SLC27A2: variants seen among roughly 807,000 people sequenced by gnomAD.
SLC27A2 encodes the protein solute carrier family 27 member 2.
SLC27A2 carries 54 observed loss-of-function variants against 60.0 expected under a neutral mutation model. The ratio of observed to expected loss-of-function variants is 0.90; its 90% CI spans 0.72 to 1.13. The LOEUF is 1.13. Ranked by LOEUF, SLC27A2 falls within the 50% of genes most tolerant of loss-of-function variation. SLC27A2 has a pLI of 0.00. For missense variants in SLC27A2, 739 were observed against 777.6 expected (o/e 0.95, Z 0.59); for synonymous variants, 297 against 297.6 (o/e 1.00, Z 0.02).
chr15:50,233,774 T>C, intron 8 of SLC27A2, 94 bp from the exon 9 acceptor site: 1 of 1,118,216 alleles, frequency 8.9e-7, no homozygotes, highest in Non-Finnish European at 1.2e-6. Flanking sequence ...ATGAAACCCA[T>C]GCTATAAATG....
intron 4 of SLC27A2, among the ~76,000 whole-genome samples, chr15:50,218,301 A>C (rs2045217594): frequency 6.6e-6 from 1 of 152,104 alleles, no homozygotes; most frequent in Non-Finnish European, 1.5e-5. Context: ...GATGGTCATA[A>C]AGGGAGAGTA....
intron 4 of SLC27A2, among the ~76,000 whole-genome samples, chr15:50,219,501 C>T (rs116283074): frequency 3.0e-4 from 45 of 150,566 alleles, no homozygotes; most frequent in African/African-American, 5.4e-4. Context: ...GCACAGTGGA[C>T]GCCCTCTCAA....
intron 1 of SLC27A2, among the ~76,000 whole-genome samples, chr15:50,186,901 A>G (rs996724362): frequency 6.6e-6 from 1 of 152,224 alleles, no homozygotes; most frequent in African/African-American, 2.4e-5. Flanking sequence ...AACATGATAC[A>G]TAAATGTCAG....
intron 1 of SLC27A2, among the ~76,000 whole-genome samples, chr15:50,189,318 C>T (rs923942470): frequency 2.0e-5 from 3 of 152,182 alleles, no homozygotes; most frequent in Non-Finnish European, 4.4e-5. Context: ...CATGGTAGGA[C>T]AGCGGTGCTC....
Position 50,182,365 on chromosome 15 carries a change from G to T in SLC27A2, c.-63G>T. 1 of 1,413,064 alleles carries T rather than the reference G, an allele frequency of 7.1e-7. No individual in the cohort carries two copies. Among genetic ancestry groups the T allele is most frequent in the Non-Finnish European group, 9.2e-7 (1 of 1,085,700 alleles). The allele number at this position is 1,413,064 out of a possible 1,614,324, so 87.5% of individuals were successfully genotyped here. A position where few individuals can be genotyped will look rare whatever the true frequency, so the allele number is the denominator to read the frequency against. On this transcript the variant is annotated 5_prime_UTR_variant, in exon 1 of 10. Coordinates refer to ENST00000267842, the MANE Select transcript of SLC27A2 (RefSeq NM_003645.4). ...CAGTCCGCCCGGAGCCCGCCCAGTC[G>T]CCGCGCTGCACGCCCGGGGTGAACC...
chr15:50,209,224 C>G (rs1305341256), intron 4 of SLC27A2, among the ~76,000 whole-genome samples: 1 of 152,162 alleles, frequency 6.6e-6, no homozygotes, highest in Admixed American at 6.5e-5. Context: ...ATTAGATAAC[C>G]TCTGTGGTCC....
In SLC27A2 at chr15:50,183,994, C is replaced by CTTTTTTTTTTTTTTTTTTTTT. The variant is rs577766814; in HGVS notation, c.478+1107_478+1108insTTTTTTTTTTTTTTTTTTTTT. On this transcript the variant is annotated intron_variant, in intron 1 of 9. Coordinates refer to ENST00000267842, the MANE Select transcript of SLC27A2 (RefSeq NM_003645.4). Reference sequence around the variant, plus strand: ...TTCGAAGCCATGCTCTTTCCTACATCTTTTTTTTTTTTTTTTTTGACAGTC... The same window carrying CTTTTTTTTTTTTTTTTTTTTT: ...TTCGAAGCCATGCTCTTTCCTACATCTTTTTTTTTTTTTTTTTTTTTTTTTTTTTTTTTTTTTTTGACAGTC... Among the ~76,000 whole-genome samples the CTTTTTTTTTTTTTTTTTTTTT allele has an allele frequency of 2.4e-4, 22 of 91,134 alleles. 4 individuals are homozygous for CTTTTTTTTTTTTTTTTTTTTT. Among genetic ancestry groups the CTTTTTTTTTTTTTTTTTTTTT allele is most frequent in the South Asian group, 4.2e-4 (1 of 2,368 alleles). 59.8% of individuals were successfully genotyped at this position (91,134 alleles called of 152,430 possible). A position where few individuals can be genotyped will look rare whatever the true frequency, so the allele number is the denominator to read the frequency against.
intron 1 of SLC27A2, among the ~76,000 whole-genome samples, chr15:50,188,099 T>G (rs1760658090): frequency 6.6e-6 from 1 of 152,058 alleles, no homozygotes; most frequent in South Asian, 2.1e-4. Flanking sequence ...CTAAACCGCA[T>G]GCACAAATGA....
At chr15:50,231,309 G>A (rs966922843) in intron 8 of SLC27A2, among the ~76,000 whole-genome samples, 3 of 151,748 alleles carry the variant, frequency 2.0e-5, no homozygotes, top group Non-Finnish European at 4.4e-5. Context: ...GACCAGGCCC[G>A]GCTAATTTTG....
In SLC27A2 at chr15:50,236,090, ACT is replaced by A. The variant is rs565143342; in HGVS notation, c.1860_1861del (p.Ter621AsnfsTer20). On this transcript the variant is annotated frameshift_variant, in exon 10 of 10. Transcript: ENST00000267842. LOFTEE classifies it high-confidence loss of function. The stretch of plus-strand genomic sequence containing the variant: ...ATGCCATAAGTGCTAAAACCCTGAA[ACT>A]CTGAATATTCCCAGGAGGATAACTC... The part of the protein sequence containing the change: ...YNAISAKTLK[L>X] The A allele has an allele frequency of 7.6e-6, 12 of 1,587,194 alleles. No individual in the cohort carries two copies. The South Asian group carries it at 1.0e-4, about 14-fold the overall frequency.
At chr15:50,234,587 CAA>C (rs767076726) in intron 9 of SLC27A2, among the ~76,000 whole-genome samples, 17 of 61,508 alleles carry the variant, frequency 2.8e-4, no homozygotes, top group Non-Finnish European at 3.2e-4. Flanking sequence ...ACTCCATCTC[CAA>C]AAAAAAAAAA....
intron 8 of SLC27A2, among the ~76,000 whole-genome samples, chr15:50,233,502 C>G (rs746081491): frequency 3.7e-4 from 57 of 152,260 alleles, no homozygotes; most frequent in Non-Finnish European, 1.2e-4. Flanking sequence ...AATTCTGTAC[C>G]CTGCCTAGTA....
intron 2 of SLC27A2, among the ~76,000 whole-genome samples, chr15:50,201,802 G>A (rs555092017): frequency 1.3e-5 from 2 of 152,198 alleles, no homozygotes; most frequent in East Asian, 1.9e-4. Context: ...TGATCCGCCC[G>A]CCTCAGCCTC....
intron 6 of SLC27A2, among the ~76,000 whole-genome samples, chr15:50,226,408 T>C (rs2140912778): frequency 6.6e-6 from 1 of 152,278 alleles, no homozygotes; most frequent in Middle Eastern, 3.4e-3. Flanking sequence ...TAAGTGTGCA[T>C]AAATCATTAT....
chr15:50,230,315 G>A (rs2045309024), intron 8 of SLC27A2, among the ~76,000 whole-genome samples: 2 of 152,088 alleles, frequency 1.3e-5, no homozygotes, highest in African/African-American at 2.4e-5. Context: ...GGCCAAGGCG[G>A]ATGGATCACT....
chr15:50,199,806 T>C (rs909209199), intron 2 of SLC27A2, among the ~76,000 whole-genome samples: 8 of 152,156 alleles, frequency 5.3e-5, no homozygotes, highest in African/African-American at 1.7e-4. Flanking sequence ...GTACACCTTG[T>C]AGTCCTAGCT....
intron 1 of SLC27A2, among the ~76,000 whole-genome samples, chr15:50,196,411 G>C (rs974665290): frequency 6.6e-6 from 1 of 151,770 alleles, no homozygotes; most frequent in Non-Finnish European, 1.5e-5. Flanking sequence ...CTGCTATCTG[G>C]AAGAAGCAAT....
At chr15:50,235,689 A>G (rs1397367223) in intron 9 of SLC27A2, among the ~76,000 whole-genome samples, 2 of 152,252 alleles carry the variant, frequency 1.3e-5, no homozygotes, top group Non-Finnish European at 2.9e-5. Context: ...TCCACGATGT[A>G]TATGTACTTC....
intron 4 of SLC27A2, among the ~76,000 whole-genome samples, chr15:50,213,670 T>C (rs138970321): frequency 0.016 from 2,487 of 152,128 alleles, 68 homozygotes; most frequent in African/African-American, 0.057. Context: ...TTCAAAACCA[T>C]GCAAATACAG....
Sources: allele counts gnomAD v4.1 joint callset (sites outside exome capture counted in the v4.1 genomes callset), GRCh38; gene constraint gnomAD v4.1.1; transcripts MANE v1.5; gene names NCBI Gene and HGNC (gene_info 2026-07-23, HGNC 2026-07-21).